Variants in HIPK2 observed in about 807,000 individuals in gnomAD.
HIPK2 encodes homeodomain interacting protein kinase 2, also known as homeodomain-interacting protein kinase 2.
HIPK2 carries 27 observed loss-of-function variants against 113.7 expected under a neutral mutation model. The ratio of observed to expected loss-of-function variants is 0.24; its 90% CI spans 0.17 to 0.33. The LOEUF is 0.33. Ranked by LOEUF, HIPK2 falls within the 10% of genes least tolerant of loss-of-function variation. The pLI is 1.00. For synonymous variants in HIPK2, 631 were observed against 642.2 expected (o/e 0.98, Z 0.26); for missense variants, 1,257 against 1,588.0 (o/e 0.79, Z 3.54).
At position 139,613,339 on chromosome 7, in the gene HIPK2, T is replaced by C. The variant is rs1377044149; in HGVS notation, c.1991-16A>G. 7 of 1,612,560 alleles carry C rather than the reference T, an allele frequency of 4.3e-6. No individual in the cohort carries two copies. Among genetic ancestry groups the C allele is most frequent in the Non-Finnish European group, 5.9e-6 (7 of 1,179,314 alleles). The stretch of plus-strand genomic sequence containing the variant: ...GCCTGCAAGCCTGTTCCAGACAGTG[T>C]GAGGGAGAGAAGGGTTAGCTGAGAC... On this transcript the variant is annotated splice_polypyrimidine_tract_variant and intron_variant, in intron 8 of 14. Transcript: ENST00000406875. This position sits in a 1 kb window ranked among gnomAD's most constrained non-coding sequence, Gnocchi z 4.2.
chr7:139,747,829 G>A (rs1324468433), intron 1 of HIPK2, among the ~76,000 whole-genome samples: 1 of 152,198 alleles, frequency 6.6e-6, no homozygotes. Context: ...TAGCTAGCGG[G>A]CACAAGTGGC....
At position 139,670,751 on chromosome 7, in the gene HIPK2, C is replaced by CTTTTT. The variant is rs1802244998; in HGVS notation, c.1104-39027_1104-39026insAAAAA. On this transcript the variant is annotated intron_variant, in intron 2 of 14. Coordinates refer to ENST00000406875, the MANE Select transcript of HIPK2 (RefSeq NM_022740.5). ...TTTTCTTTTCTTTCTTTCTTTCTTTCTTTCTTTCTTTTTTTTTTTTTTTTT... is the reference window on the plus strand; with the variant it reads ...TTTTCTTTTCTTTCTTTCTTTCTTTCTTTTTTTTCTTTCTTTTTTTTTTTTTTTTT... Among the ~76,000 whole-genome samples, 23 of 58,974 alleles carry CTTTTT rather than the reference C, an allele frequency of 3.9e-4. 1 individual carries two copies. Among genetic ancestry groups the CTTTTT allele is most frequent in the African/African-American group, 1.1e-3 (21 of 18,524 alleles). 38.7% of individuals were successfully genotyped at this position (58,974 alleles called of 152,430 possible). A position where few individuals can be genotyped will look rare whatever the true frequency, so the allele number is the denominator to read the frequency against.
intron 13 of HIPK2, among the ~76,000 whole-genome samples, chr7:139,580,135 G>A (rs974963762): frequency 2.6e-5 from 4 of 152,202 alleles, no homozygotes; most frequent in African/African-American, 7.2e-5. Flanking sequence ...TGTGTTGGGG[G>A]AAGCCTCCTT....
chr7:139,748,196 C>T (rs758586362), intron 1 of HIPK2, among the ~76,000 whole-genome samples: 3 of 152,278 alleles, frequency 2.0e-5, no homozygotes, highest in East Asian at 1.9e-4. Context: ...CCATCTGAGC[C>T]GCTTCTCTGC....
chr7:139,580,109 G>A (rs560593006), intron 13 of HIPK2, among the ~76,000 whole-genome samples: 1 of 152,328 alleles, frequency 6.6e-6, no homozygotes, highest in East Asian at 1.9e-4. Flanking sequence ...CTTGCCTTCT[G>A]CAGCCACAAT....
At chr7:139,621,599 C>A (rs562507061) in intron 6 of HIPK2, among the ~76,000 whole-genome samples, 1 of 152,318 alleles carries the variant, frequency 6.6e-6, no homozygotes, top group East Asian at 1.9e-4. Context: ...TGTAGTTAAA[C>A]TTACTTTTCC....
At chr7:139,772,403 A>G (rs560583449) in intron 1 of HIPK2, among the ~76,000 whole-genome samples, 1 of 152,394 alleles carries the variant, frequency 6.6e-6, no homozygotes, top group African/African-American at 2.4e-5. Context: ...ACGTATTTGC[A>G]TTGGCAAGGA....
chr7:139,692,383 C>A (rs1237320547), intron 2 of HIPK2, among the ~76,000 whole-genome samples: 1 of 152,156 alleles, frequency 6.6e-6, no homozygotes, highest in African/African-American at 2.4e-5. Context: ...AGGCCCTCCC[C>A]GAGAGCCTGC....
At chr7:139,725,228 G>C (rs1387784023) in intron 1 of HIPK2, among the ~76,000 whole-genome samples, 1 of 152,202 alleles carries the variant, frequency 6.6e-6, no homozygotes, top group Non-Finnish European at 1.5e-5. Flanking sequence ...ACTTGCCAAA[G>C]TAAACACTAG....
chr7:139,756,782 G>C (rs1796369997), intron 1 of HIPK2, among the ~76,000 whole-genome samples: 1 of 152,168 alleles, frequency 6.6e-6, no homozygotes, highest in South Asian at 2.1e-4. Context: ...GGAAGGTACA[G>C]GGAGTTCCCA....
intron 2 of HIPK2, among the ~76,000 whole-genome samples, chr7:139,707,388 G>A (rs1421001131): frequency 6.6e-6 from 1 of 152,276 alleles, no homozygotes; most frequent in African/African-American, 2.4e-5. Flanking sequence ...GACCCCGCAG[G>A]GGAGATTGGT....
chr7:139,596,975 G>T lies in HIPK2; in HGVS notation c.2459C>A (p.Ser820Tyr), dbSNP rs1360926125. Residue 820 changes from serine (S) to tyrosine (Y), a missense_variant, in exon 12 of 15, where the codon TCC becomes TAC. Transcript: ENST00000406875. ...TGGGGAGCTGATGGCCTGAGAGGAGGACACCTCACAGGTGGAGACATTTCT... is the reference window on the plus strand; with the variant it reads ...TGGGGAGCTGATGGCCTGAGAGGAGTACACCTCACAGGTGGAGACATTTCT... The part of the protein sequence containing the change: ...SVRNVSTCEV[S>Y]SSQAISSPQR... 6.3e-7 allele frequency: 1 copy of T among 1,599,780 alleles called. No homozygotes were observed. Among genetic ancestry groups the T allele is most frequent in the South Asian group, 1.1e-5 (1 of 90,820 alleles).
chr7:139,627,403 A>G (rs974208896), intron 5 of HIPK2, among the ~76,000 whole-genome samples: 2 of 152,170 alleles, frequency 1.3e-5, no homozygotes, highest in Non-Finnish European at 2.9e-5. Context: ...CCTACAGCAT[A>G]TCATCCTTCT....
At chr7:139,688,456 C>T (rs544521709) in intron 2 of HIPK2, among the ~76,000 whole-genome samples, 1 of 152,154 alleles carries the variant, frequency 6.6e-6, no homozygotes, top group African/African-American at 2.4e-5. Flanking sequence ...TGTGGAAGAA[C>T]GGGCTTCTCA....
chr7:139,740,548 T>C (rs1246327313), intron 1 of HIPK2, among the ~76,000 whole-genome samples: 1 of 152,144 alleles, frequency 6.6e-6, no homozygotes, highest in Admixed American at 6.5e-5. Context: ...CTCCGGAAAG[T>C]GCCTGCTCAG....
intron 2 of HIPK2, among the ~76,000 whole-genome samples, chr7:139,715,599 C>T (rs374611829): frequency 1.7e-4 from 26 of 152,290 alleles, no homozygotes; most frequent in East Asian, 9.6e-4. Context: ...AGTGTGACTG[C>T]GGACTGTGGA....
At chr7:139,765,140 A>G (rs1450500351) in intron 1 of HIPK2, among the ~76,000 whole-genome samples, 2 of 152,070 alleles carry the variant, frequency 1.3e-5, no homozygotes, top group African/African-American at 4.8e-5. Context: ...TGTCTCAAAA[A>G]AAAAAAAAAT....
chr7:139,686,201 A>T (rs1204075711), intron 2 of HIPK2, among the ~76,000 whole-genome samples: 1 of 152,222 alleles, frequency 6.6e-6, no homozygotes, highest in African/African-American at 2.4e-5. Context: ...ACTGTAAATG[A>T]GGTAGAAATA....
At position 139,563,049 on chromosome 7, in the gene HIPK2, G is replaced by C. The variant is rs1178708567; in HGVS notation, c.*9878C>G. ...CATGGAAGAAGCTTGAAGTGAGCAG[G>C]AACACAAAAGGGAGGAGAGCAGAAA... On this transcript the variant is annotated 3_prime_UTR_variant, in exon 15 of 15. Transcript: ENST00000406875. 7.0e-6 allele frequency: 1 copy of C among 142,058 alleles called. No individual in the cohort carries two copies. The highest frequency in any genetic ancestry group is 1.5e-5 in the Non-Finnish European group (1 of 65,832). 8.8% of individuals were successfully genotyped at this position (142,058 alleles called of 1,614,324 possible).
Sources: gnomAD v4.1 joint callset for allele counts (sites outside exome capture counted in the v4.1 genomes callset) on GRCh38, gnomAD v4.1.1 for gene constraint, Gnocchi (gnomAD v3.1) non-coding constraint, MANE v1.5 for transcripts, NCBI Gene and HGNC (gene_info 2026-07-23, HGNC 2026-07-21) for gene names.